TRAPPC6A: variants seen among roughly 807,000 people sequenced by gnomAD.
TRAPPC6A encodes the protein TRAPP complex subunit 6A.
TRAPPC6A carries 25 observed loss-of-function variants against 20.8 expected under a neutral mutation model. The ratio of observed to expected loss-of-function variants is 1.20; its 90% CI spans 0.88 to 1.68. TRAPPC6A has a LOEUF of 1.68. Ranked by LOEUF, TRAPPC6A falls within the 40% of genes most tolerant of loss-of-function variation. TRAPPC6A has a pLI of 0.00. For synonymous variants in TRAPPC6A, 96 were observed against 93.3 expected (o/e 1.03, Z -0.16); for missense variants, 215 against 211.6 (o/e 1.02, Z -0.10).
intron 1 of TRAPPC6A, among the ~76,000 whole-genome samples, chr19:45,174,275 C>T (rs987136609): frequency 6.6e-6 from 1 of 152,120 alleles, no homozygotes; most frequent in Non-Finnish European, 1.5e-5. Flanking sequence ...TGAGTGCACA[C>T]AGGAAGCACT....
At chr19:45,166,894 G>A (rs781638439) in intron 1 of TRAPPC6A, among the ~76,000 whole-genome samples, 5 of 152,146 alleles carry the variant, frequency 3.3e-5, no homozygotes, top group Non-Finnish European at 5.9e-5. Context: ...CCCTGGAGCG[G>A]GTCTCCCAGC....
rs1043348870 is a variant in TRAPPC6A, at chr19:45,178,211, T to G, written c.8A>C (p.Asp3Ala). MA[D>A]TVLFEFLHTE... Reference sequence around the variant, plus strand: ...GTGAAGAAACTCAAACAACACAGTATCCGCCATGCCCCCTCCTCGCACGCC... The same window carrying G: ...GTGAAGAAACTCAAACAACACAGTAGCCGCCATGCCCCCTCCTCGCACGCC... Residue 3 changes from aspartate (D) to alanine (A), a missense_variant, in exon 1 of 6, where the codon GAT (aspartate) becomes GCT (alanine). Physicochemically the swap from Asp to Ala is moderately radical, Grantham distance 126. Coordinates refer to ENST00000585934, the MANE Select transcript of TRAPPC6A (RefSeq NM_001270891.2). 7 of 1,604,656 alleles carry G rather than the reference T, an allele frequency of 4.4e-6. No homozygotes were observed. The highest frequency in any genetic ancestry group is 6.0e-6 in the Non-Finnish European group (7 of 1,173,410).
chr19:45,166,151 A>G (rs1485776893), intron 1 of TRAPPC6A, among the ~76,000 whole-genome samples: 1 of 152,058 alleles, frequency 6.6e-6, no homozygotes, highest in Non-Finnish European at 1.5e-5. Flanking sequence ...AGCTCAGGCA[A>G]TCTGCCCGCC....
At chr19:45,175,695 G>A (rs546001488) in intron 1 of TRAPPC6A, among the ~76,000 whole-genome samples, 4 of 152,266 alleles carry the variant, frequency 2.6e-5, no homozygotes, top group Admixed American at 2.6e-4. Flanking sequence ...CCAGGGCAGA[G>A]GAGGGGCCAC....
chr19:45,169,918 C>T (rs573062269), intron 1 of TRAPPC6A, among the ~76,000 whole-genome samples: 1 of 152,330 alleles, frequency 6.6e-6, no homozygotes, highest in East Asian at 1.9e-4. Context: ...ATTCATGCCA[C>T]AGACATTTCC....
At chr19:45,167,740 C>T (rs1237989960) in intron 1 of TRAPPC6A, among the ~76,000 whole-genome samples, 1 of 152,274 alleles carries the variant, frequency 6.6e-6, no homozygotes, top group Non-Finnish European at 1.5e-5. Flanking sequence ...ACCTCGGCCT[C>T]CCAAAGTGCT....
At chr19:45,168,854 G>A (rs558640529) in intron 1 of TRAPPC6A, among the ~76,000 whole-genome samples, 4 of 152,328 alleles carry the variant, frequency 2.6e-5, no homozygotes, top group Non-Finnish European at 4.4e-5. Flanking sequence ...AGCCATGGCT[G>A]TTGAGGGCCT....
rs577512637 is a variant in TRAPPC6A at position 45,164,871 on chromosome 19, G to C, written c.252C>G (p.Ser84Arg). 33 of 1,614,036 alleles carry C rather than the reference G, an allele frequency of 2.0e-5. No individual in the cohort carries two copies. In the South Asian group the frequency reaches 3.3e-4, roughly 16 times the overall value. ...CTCCCACCTGGTGATTGGTGCGCAG[G>C]CTGTCCATCTGCTTCTGGAACACCG... Reference protein sequence around the residue: ...WVAVFQKQMDSLRTNHQGTYV... With the variant: ...WVAVFQKQMDRLRTNHQGTYV... The change falls in exon 3 of 6, where the codon AGC becomes AGG. Residue 84 changes from serine (S) to arginine (R), a missense_variant. Physicochemically the swap from Ser to Arg is moderately radical, Grantham distance 110 (BLOSUM62 -1). Transcript: ENST00000585934.
At chr19:45,164,747 T>C in intron 3 of TRAPPC6A, 106 bp downstream of exon 3, 2 of 1,043,242 alleles carry the variant, frequency 1.9e-6, no homozygotes, top group Non-Finnish European at 1.5e-6. Flanking sequence ...GGGAAAGCTC[T>C]GGGCGGGTCC....
intron 1 of TRAPPC6A, among the ~76,000 whole-genome samples, chr19:45,169,096 G>A (rs767006883): frequency 6.6e-6 from 1 of 152,186 alleles, no homozygotes; most frequent in Non-Finnish European, 1.5e-5. Context: ...GGAAGGGGCC[G>A]ATGACTGCAG....
At chr19:45,174,099 C>T (rs1258597456) in intron 1 of TRAPPC6A, among the ~76,000 whole-genome samples, 1 of 152,178 alleles carries the variant, frequency 6.6e-6, no homozygotes, top group Non-Finnish European at 1.5e-5. Flanking sequence ...GAGTTTACAG[C>T]ACAGGCTTTG....
Position 45,175,688 on chromosome 19 carries a change from G to A in TRAPPC6A, c.84+2447C>T, listed in dbSNP as rs577145573. Among the ~76,000 whole-genome samples, 5 of 152,232 alleles carry A rather than the reference G, an allele frequency of 3.3e-5. No individual in the cohort carries two copies. In the East Asian group the frequency reaches 9.7e-4, roughly 29 times the overall value. On this transcript the variant is annotated intron_variant, in intron 1 of 5. Transcript: ENST00000585934. ...CAGGAGAGCGGAAAGCACTGGACCA[G>A]GGCAGAGGAGGGGCCACGTGAGAAA... is the stretch of plus-strand genomic sequence containing the variant.
intron 1 of TRAPPC6A, among the ~76,000 whole-genome samples, chr19:45,165,874 G>A (rs540659201): frequency 2.0e-5 from 3 of 152,108 alleles, no homozygotes; most frequent in African/African-American, 7.2e-5. Flanking sequence ...GTGCCTGTGT[G>A]TGTGGAGGGC....
In TRAPPC6A at chr19:45,164,120, C is replaced by T. The variant is rs760205757; in HGVS notation, c.354+44G>A. ...CTGATGTGGGATGGGGCTGGGTAAA[C>T]AGGAGGAAGGGAGGTGTGGACAAGG... On this transcript the variant is annotated intron_variant, in intron 4 of 5. Coordinates refer to ENST00000585934, the MANE Select transcript of TRAPPC6A (RefSeq NM_001270891.2). 52 of 1,568,726 alleles carry T rather than the reference C, an allele frequency of 3.3e-5. No homozygotes were observed. The Admixed American group carries it at 7.0e-4, about 21-fold the overall frequency.
chr19:45,166,876 G>A (rs1172374002), intron 1 of TRAPPC6A, among the ~76,000 whole-genome samples: 2 of 152,132 alleles, frequency 1.3e-5, no homozygotes, highest in Admixed American at 1.3e-4. Flanking sequence ...TTCTCTGCTT[G>A]GCTCCAGCCC....
chr19:45,166,666 G>C (rs1414745556), intron 1 of TRAPPC6A, among the ~76,000 whole-genome samples: 1 of 152,146 alleles, frequency 6.6e-6, no homozygotes, highest in Admixed American at 6.6e-5. Context: ...TGGGGGAACA[G>C]AGGCGGCAGG....
Position 45,178,150 on chromosome 19 carries a change from G to A in TRAPPC6A, c.69C>T (p.Pro23=), listed in dbSNP as rs779264118. 2 of 1,613,252 alleles carry A rather than the reference G, an allele frequency of 1.2e-6. No individual in the cohort carries two copies. Among genetic ancestry groups the A allele is most frequent in the East Asian group, 2.2e-5 (1 of 44,830 alleles). ...CGGCGCTCACCCCCGGGCCGGGGTC[G>A]GGGTCGTGAGCCCACAGCTCAGCCA... ...EMVAELWAHD[P]DPGPGGQKMS... Residue 23 remains proline (P), a synonymous_variant, in exon 1 of 6, where the codon CCC becomes CCT. Coordinates refer to ENST00000585934, the MANE Select transcript of TRAPPC6A (RefSeq NM_001270891.2).
rs1372726712 is a variant in TRAPPC6A at position 45,163,237 on chromosome 19, C to G, written c.449-14G>C. The stretch of plus-strand genomic sequence containing the variant: ...CCTGGAACTTACCTGGAAGAGAAGG[C>G]CTGGCTTAGGCTTGAGGATGGGATG... On this transcript the variant is annotated splice_polypyrimidine_tract_variant and intron_variant, in intron 5 of 5. Coordinates refer to ENST00000585934, the MANE Select transcript of TRAPPC6A (RefSeq NM_001270891.2). This position sits in a 1 kb window ranked among gnomAD's most constrained non-coding sequence, Gnocchi z 5.3. The G allele has an allele frequency of 3.7e-6, 6 of 1,613,672 alleles. No individual in the cohort carries two copies. Among genetic ancestry groups the G allele is most frequent in the Non-Finnish European group, 5.1e-6 (6 of 1,179,826 alleles).
chr19:45,175,650 C>G (rs886216861), intron 1 of TRAPPC6A, among the ~76,000 whole-genome samples: 15 of 152,032 alleles, frequency 9.9e-5, no homozygotes, highest in African/African-American at 3.1e-4. Context: ...GAGAAGGGAG[C>G]AGGCTCATTT....
Sources: gnomAD v4.1 joint callset for allele counts (sites outside exome capture counted in the v4.1 genomes callset) on GRCh38, gnomAD v4.1.1 for gene constraint, Gnocchi (gnomAD v3.1) non-coding constraint, MANE v1.5 for transcripts, NCBI Gene and HGNC (gene_info 2026-07-23, HGNC 2026-07-21) for gene names.